NISCH: variants seen among roughly 807,000 people sequenced by gnomAD.
The protein encoded by NISCH is nischarin, also known as I-1 receptor candidate protein.
In NISCH, 55 loss-of-function variants were observed where a neutral mutation model predicts 138.4. The observed-to-expected ratio is 0.40, with a 90% CI of 0.32 to 0.50. NISCH has a LOEUF of 0.50. Ranked by LOEUF, NISCH falls within the 20% of genes least tolerant of loss-of-function variation. The pLI is 0.71. For missense variants in NISCH, 1,643 were observed against 2,005.5 expected (o/e 0.82, Z 3.45); for synonymous variants, 860 against 861.5 (o/e 1.00, Z 0.03).
intron 5 of NISCH, 54 bp downstream of exon 5, chr3:52,472,031 C>G (rs531553620): frequency 2.0e-6 from 3 of 1,512,940 alleles, no homozygotes; most frequent in Non-Finnish European, 2.7e-6. Context: ...GGGGGTGCAA[C>G]CTGCGGGGGA....
Position 52,488,018 on chromosome 3 carries a change from C to G in NISCH, c.2526C>G (p.Tyr842Ter). The G allele has an allele frequency of 2.5e-6, 4 of 1,612,514 alleles. No individual in the cohort carries two copies. Among genetic ancestry groups the G allele is most frequent in the Non-Finnish European group, 3.4e-6 (4 of 1,179,850 alleles). Residue 842 changes from tyrosine to a stop codon, truncating the protein, a stop_gained, in exon 16 of 21, where the codon TAC (tyrosine) becomes TAG (stop). Coordinates refer to ENST00000345716, the MANE Select transcript of NISCH (RefSeq NM_007184.4). LOFTEE classifies it high-confidence loss of function. ...TCCTGCGCCAGCTGCTCACCTTCTACAAGGTGGCTGGCGGCTGCCAGGAGC... is the reference window on the plus strand; with the variant it reads ...TCCTGCGCCAGCTGCTCACCTTCTAGAAGGTGGCTGGCGGCTGCCAGGAGC... ...QEFLRQLLTFYKVAGGCQERS... is the reference protein window; with the variant it reads ...QEFLRQLLTF
At chr3:52,461,092 T>C (rs1419249834) in intron 3 of NISCH, among the ~76,000 whole-genome samples, 3 of 152,056 alleles carry the variant, frequency 2.0e-5, no homozygotes, top group Admixed American at 2.0e-4. Context: ...ATACAAAAAT[T>C]AGCTGCGCGT....
chr3:52,455,621 G>A lies in NISCH; in HGVS notation c.-21G>A, dbSNP rs758938244. 7.6e-7 allele frequency: 1 copy of A among 1,310,452 alleles called. No homozygotes were observed. The allele number at this position is 1,310,452 out of a possible 1,614,324, so 81.2% of individuals were successfully genotyped here. The stretch of plus-strand genomic sequence containing the variant: ...CTGCTGCTAGTCTGCGCCGGGCGGC[G>A]GTGGCGGCGGAGACCCGAACATGGC... On this transcript the variant is annotated 5_prime_UTR_variant, in exon 1 of 21. Coordinates refer to ENST00000345716, the MANE Select transcript of NISCH (RefSeq NM_007184.4).
chr3:52,465,382 G>C (rs991201024), intron 3 of NISCH, among the ~76,000 whole-genome samples: 1 of 151,604 alleles, frequency 6.6e-6, no homozygotes, highest in Middle Eastern at 3.2e-3. Flanking sequence ...CACCCACCTC[G>C]GCCTCCCAAA....
rs1172024966 is a variant in NISCH, at chr3:52,471,855, C to A, written c.451C>A (p.Pro151Thr). ...LGAGEVFAIG[P>T]LQLYAVTEQL... is the part of the protein sequence containing the mutation. ...GGCCGGCGAGGTCTTTGCCATTGGACCCCTGCAGCTGTATGCCGTCACGGA... is the reference window on the plus strand; with the variant it reads ...GGCCGGCGAGGTCTTTGCCATTGGAACCCTGCAGCTGTATGCCGTCACGGA... Residue 151 changes from proline (P) to threonine (T), a missense_variant, in exon 5 of 21, where the codon CCC (proline) becomes ACC (threonine). Coordinates refer to ENST00000345716, the MANE Select transcript of NISCH (RefSeq NM_007184.4). The A allele has an allele frequency of 6.2e-7, 1 of 1,613,936 alleles. No individual in the cohort carries two copies. The highest frequency in any genetic ancestry group is 1.7e-5 in the Admixed American group (1 of 60,018).
intron 7 of NISCH, 22 bp downstream of exon 7, chr3:52,473,851 C>T (rs1273069770): frequency 1.9e-6 from 3 of 1,543,740 alleles, no homozygotes; most frequent in Non-Finnish European, 2.7e-6. Context: ...CTATATCCTG[C>T]CTGGGGCAAT....
At chr3:52,465,250 C>A (rs1007616694) in intron 3 of NISCH, among the ~76,000 whole-genome samples, 2 of 152,176 alleles carry the variant, frequency 1.3e-5, no homozygotes, top group Admixed American at 6.5e-5. Flanking sequence ...CCACCTCAAC[C>A]CCCCAAGTAG....
At chr3:52,488,970 C>T (rs1454477938) in intron 16 of NISCH, among the ~76,000 whole-genome samples, 1 of 152,186 alleles carries the variant, frequency 6.6e-6, no homozygotes, top group Non-Finnish European at 1.5e-5. Flanking sequence ...CTGCTGTGCT[C>T]CTCTGGGCCC....
chr3:52,478,467 A>G lies in NISCH; in HGVS notation c.1192A>G (p.Ile398Val), dbSNP rs771230924. 4 of 1,614,124 alleles carry G rather than the reference A, an allele frequency of 2.5e-6. No homozygotes were observed. Among genetic ancestry groups the G allele is most frequent in the South Asian group, 2.2e-5 (2 of 91,092 alleles). ...CTTGCAGATGGAGGAGGTCCGGAGC[A>G]TAGGCAGCCTCCCGTGTCTGGAGCA... is the stretch of plus-strand genomic sequence containing the variant. ...RIEQMEEVRSIGSLPCLEHVS... is the reference protein window; with the variant it reads ...RIEQMEEVRSVGSLPCLEHVS... Residue 398 changes from isoleucine to valine, a missense_variant, in exon 11 of 21, where the codon ATA becomes GTA. Transcript: ENST00000345716.
Position 52,488,507 on chromosome 3 carries a change from G to A in NISCH, c.3015G>A (p.Leu1005=). 6.2e-7 allele frequency: 1 copy of A among 1,613,306 alleles called. No homozygotes were observed. The highest frequency in any genetic ancestry group is 8.5e-7 in the Non-Finnish European group (1 of 1,180,004). ...TCTACAACCAGCTGCGGGCCTCGCT[G>A]CAGGACCTGAAGACTGTGGTCATCG... The part of the protein sequence containing the change: ...LRVYNQLRAS[L]QDLKTVVIAK... The change falls in exon 16 of 21, where the codon CTG becomes CTA. Residue 1005 remains leucine, a synonymous_variant. Transcript: ENST00000345716.
chr3:52,473,850 G>T, intron 7 of NISCH, 21 bp downstream of exon 7: 1 of 1,550,312 alleles, frequency 6.5e-7, no homozygotes, highest in Non-Finnish European at 8.9e-7. Context: ...CCTATATCCT[G>T]CCTGGGGCAA....
At chr3:52,456,282 G>A (rs1370018675) in intron 1 of NISCH, among the ~76,000 whole-genome samples, 1 of 152,034 alleles carries the variant, frequency 6.6e-6, no homozygotes, top group Non-Finnish European at 1.5e-5. Flanking sequence ...CTTGGGGGTC[G>A]GGCGGAGACA....
intron 9 of NISCH, 145 bp downstream of exon 9, chr3:52,477,787 C>T (rs1266494681): frequency 1.4e-6 from 1 of 697,226 alleles, no homozygotes; most frequent in Non-Finnish European, 2.5e-6. Flanking sequence ...CAGCAATGCA[C>T]TGAGTGATTG....
chr3:52,458,820 C>T lies in NISCH; in HGVS notation c.336C>T (p.Ala112=). Residue 112 remains alanine (A), a synonymous_variant, in exon 3 of 21, where the codon GCC becomes GCT. Coordinates refer to ENST00000345716, the MANE Select transcript of NISCH (RefSeq NM_007184.4). ...CTGGCGTGACCCCCAGAGTACTGGC[C>T]CACTTCTTGCATTTTCACTTCTATG... ...AFPGVTPRVL[A]HFLHFHFYEI... is the part of the protein sequence containing the mutation. The T allele has an allele frequency of 1.3e-6, 2 of 1,597,254 alleles. No homozygotes were observed. Among genetic ancestry groups the T allele is most frequent in the South Asian group, 1.1e-5 (1 of 88,918 alleles).
In NISCH at chr3:52,492,092, C is replaced by T. The variant is rs112341632; in HGVS notation, c.4125C>T (p.Leu1375=). ...RGPLRPKTLL[L]TSSEIFLLDE... ...CCCTGCGCCCCAAGACACTCCTGCT[C>T]ACCAGCTCCGAGATCTTCCTCCTGG... The change falls in exon 21 of 21, where the codon CTC becomes CTT. Residue 1375 remains leucine, a synonymous_variant. Transcript: ENST00000345716. The T allele has an allele frequency of 1.9e-5, 30 of 1,613,158 alleles. No individual in the cohort carries two copies. The African/African-American group carries it at 2.1e-4, about 11-fold the overall frequency.
intron 16 of NISCH, 139 bp from the exon 17 acceptor site, chr3:52,489,197 A>G: frequency 9.7e-7 from 1 of 1,028,162 alleles, no homozygotes; most frequent in Non-Finnish European, 1.5e-6. Context: ...TCTGTTCTCC[A>G]ATAGAGAAGC....
intron 9 of NISCH, 178 bp downstream of exon 9, chr3:52,477,820 G>A (rs917765352): frequency 6.2e-6 from 4 of 640,316 alleles, no homozygotes; most frequent in Admixed American, 5.5e-5. Context: ...CAAAGAATTA[G>A]GAAGCATGAG....
chr3:52,460,384 A>G (rs2153230623), intron 3 of NISCH, among the ~76,000 whole-genome samples: 1 of 147,012 alleles, frequency 6.8e-6, no homozygotes, highest in East Asian at 2.0e-4. Context: ...GCAGTATCCA[A>G]CTGTATGGCT....
In NISCH at chr3:52,491,423, C is replaced by G. The variant is rs766737632; in HGVS notation, c.3814C>G (p.Leu1272Val). 3 of 1,613,456 alleles carry G rather than the reference C, an allele frequency of 1.9e-6. No individual in the cohort carries two copies. The highest frequency in any genetic ancestry group is 2.5e-6 in the Non-Finnish European group (3 of 1,179,986). The change falls in exon 20 of 21, where the codon CTC becomes GTC. Residue 1272 changes from leucine (L) to valine (V), a missense_variant. By Grantham distance (32) the Leu-to-Val change is conservative. Transcript: ENST00000345716. ...CCTGACGCACTGCTTCCTCCAGCAC[C>G]TCATGGTCGTGCTGTCCTCTCTGGA... is the stretch of plus-strand genomic sequence containing the variant. ...SYLTHCFLQH[L>V]MVVLSSLERT...
Sources: allele counts gnomAD v4.1 joint callset (sites outside exome capture counted in the v4.1 genomes callset), GRCh38; gene constraint gnomAD v4.1.1; transcripts MANE v1.5; gene names NCBI Gene and HGNC (gene_info 2026-07-23, HGNC 2026-07-21).